The following STAU1 variants were observed in gnomAD, a reference collection of about 807,000 sequenced individuals.
STAU1 encodes staufen double-stranded RNA binding protein 1.
STAU1 carries 13 observed loss-of-function variants against 62.9 expected under a neutral mutation model. The ratio of observed to expected loss-of-function variants is 0.21; its 90% CI spans 0.13 to 0.33. The LOEUF is 0.33. Among genes scored for constraint, STAU1 ranks in the 10% least tolerant of loss-of-function variants. STAU1 has a pLI of 1.00. For missense variants in STAU1, 571 were observed against 712.1 expected (o/e 0.80, Z 2.25); for synonymous variants, 269 against 265.1 (o/e 1.01, Z -0.14).
chr20:49,125,197 G>GAAAAAAAAA (rs2092571503), intron 6 of STAU1, among the ~76,000 whole-genome samples: 2 of 11,096 alleles, frequency 1.8e-4, no homozygotes, highest in Non-Finnish European at 3.7e-4. Context: ...GCTCATTTTT[G>GAAAAAAAAA]CAAAAAAAAA....
Position 49,170,181 on chromosome 20 carries a change from G to A in STAU1, c.-84-3896C>T, listed in dbSNP as rs372734409. ...GACTAGACCATACTGAGCACAGTCC[G>A]AGTGATTTAATATACAAGAAGGCAG... On this transcript the variant is annotated intron_variant, in intron 2 of 13. Transcript: ENST00000371856. 1.1e-4 allele frequency among the ~76,000 whole-genome samples: 17 copies of A among 152,272 alleles called. No homozygotes were observed. The South Asian group carries it at 3.3e-3, about 30-fold the overall frequency.
At chr20:49,153,887 C>A in intron 4 of STAU1, 46 bp downstream of exon 4, 1 of 1,519,698 alleles carries the variant, frequency 6.6e-7, no homozygotes, top group Non-Finnish European at 8.7e-7. Flanking sequence ...AGATCAGACA[C>A]GTTTTCTCCT....
the STAU1 span, among the ~76,000 whole-genome samples, chr20:49,218,229 CT>C: frequency 6.8e-3 from 953 of 139,434 alleles, 13 homozygotes; most frequent in African/African-American, 0.022. Context: ...AAAGCCCAAT[CT>C]TTTTTTTTTT....
the STAU1 span, among the ~76,000 whole-genome samples, chr20:49,194,512 A>T: frequency 2.2e-4 from 34 of 151,874 alleles, no homozygotes; most frequent in African/African-American, 7.7e-4. Flanking sequence ...TAATCCCAGC[A>T]CTGTGGGAGG....
intron 2 of STAU1, among the ~76,000 whole-genome samples, chr20:49,173,438 C>T (rs1289273316): frequency 3.9e-5 from 6 of 152,084 alleles, no homozygotes; most frequent in Non-Finnish European, 7.4e-5. Context: ...GCAACAAGAG[C>T]GAAACTCCGT....
chr20:49,172,990 G>GCC (rs11480925), intron 2 of STAU1, among the ~76,000 whole-genome samples: 3 of 149,978 alleles, frequency 2.0e-5, no homozygotes, highest in Admixed American at 6.6e-5. Context: ...CCATTCTCCC[G>GCC]CCCCCCAACA....
chr20:49,118,976 A>G (rs2092400039), intron 9 of STAU1, among the ~76,000 whole-genome samples: 1 of 152,190 alleles, frequency 6.6e-6, no homozygotes, highest in Non-Finnish European at 1.5e-5. Flanking sequence ...CAAGTCTAAG[A>G]TCTATACTGG....
chr20:49,201,814 T>C, the STAU1 span, among the ~76,000 whole-genome samples: 138 of 150,830 alleles, frequency 9.1e-4, 1 homozygote, highest in African/African-American at 3.0e-3. Context: ...CAAAATTACA[T>C]GTCAGAAATT....
At chr20:49,158,231 G>A (rs548613408) in intron 3 of STAU1, among the ~76,000 whole-genome samples, 2 of 151,884 alleles carry the variant, frequency 1.3e-5, no homozygotes, top group African/African-American at 2.4e-5. Context: ...GCAGTGAGCC[G>A]AGAACACGCT....
the STAU1 span, among the ~76,000 whole-genome samples, chr20:49,198,411 T>C: frequency 1.1e-4 from 16 of 151,950 alleles, no homozygotes; most frequent in South Asian, 8.3e-4. Context: ...GGAGCCTGAG[T>C]CAGGAGAATG....
intron 3 of STAU1, among the ~76,000 whole-genome samples, chr20:49,162,788 AACAG>A (rs1382410235): frequency 1.3e-5 from 2 of 151,926 alleles, no homozygotes; most frequent in Non-Finnish European, 2.9e-5. Context: ...AAAAAAAAAA[AACAG>A]ATTTATAAAG....
chr20:49,178,415 G>T (rs2093685070), intron 1 of STAU1, among the ~76,000 whole-genome samples: 1 of 151,120 alleles, frequency 6.6e-6, no homozygotes, highest in African/African-American at 2.4e-5. Context: ...GGAGTTTGAG[G>T]CTAGGCTGGC....
At position 49,123,096 on chromosome 20, in the gene STAU1, A is replaced by G. The variant is rs777721838; in HGVS notation, c.962T>C (p.Met321Thr). The change falls in exon 8 of 14, where the codon ATG (methionine) becomes ACG (threonine). Residue 321 changes from methionine (M) to threonine (T), a missense_variant. Coordinates refer to ENST00000371856, the MANE Select transcript of STAU1 (RefSeq NM_017453.4). The part of the protein sequence containing the change: ...RGLPRRREFV[M>T]QVKVGNHTAE... Reference sequence around the variant, plus strand: ...CCATCATCCATGCGGACCCACCTGCATCACAAACTCCCTGCGGCGCGGGAG... The same window carrying G: ...CCATCATCCATGCGGACCCACCTGCGTCACAAACTCCCTGCGGCGCGGGAG... 1.9e-6 allele frequency: 3 copies of G among 1,599,018 alleles called. No individual in the cohort carries two copies. The highest frequency in any genetic ancestry group is 2.6e-6 in the Non-Finnish European group (3 of 1,172,392).
chr20:49,144,433 G>T (rs1175872760), intron 5 of STAU1, among the ~76,000 whole-genome samples: 1 of 152,088 alleles, frequency 6.6e-6, no homozygotes, highest in Non-Finnish European at 1.5e-5. Flanking sequence ...GCTGATTCTT[G>T]AGTTTGGGGA....
At chr20:49,175,474 CTTTG>C (rs2093647846) in intron 1 of STAU1, among the ~76,000 whole-genome samples, 1 of 151,954 alleles carries the variant, frequency 6.6e-6, no homozygotes, top group Non-Finnish European at 1.5e-5. Flanking sequence ...AATGTTTAGG[CTTTG>C]TTTGTTCAGG....
chr20:49,205,978 T>A, the STAU1 span, among the ~76,000 whole-genome samples: 4 of 140,290 alleles, frequency 2.9e-5, no homozygotes, highest in East Asian at 2.4e-4. Flanking sequence ...CCGGCTAATT[T>A]TCTTTTCTTT....
chr20:49,146,390 A>T (rs987221962), intron 5 of STAU1, among the ~76,000 whole-genome samples: 1 of 152,210 alleles, frequency 6.6e-6, no homozygotes, highest in Non-Finnish European at 1.5e-5. Context: ...CATTTTTACA[A>T]AAGTATAAAA....
At chr20:49,160,588 G>C (rs1265430927) in intron 3 of STAU1, among the ~76,000 whole-genome samples, 1 of 152,098 alleles carries the variant, frequency 6.6e-6, no homozygotes, top group Non-Finnish European at 1.5e-5. Context: ...AAGTTTCAAA[G>C]ACTGAATTAT....
At chr20:49,203,924 A>T in the STAU1 span, among the ~76,000 whole-genome samples, 2 of 152,094 alleles carry the variant, frequency 1.3e-5, no homozygotes, top group Admixed American at 1.3e-4. Flanking sequence ...TGACCTTGTG[A>T]TCCGCCGCCT....
Sources: allele counts gnomAD v4.1 joint callset (sites outside exome capture counted in the v4.1 genomes callset), GRCh38; gene constraint gnomAD v4.1.1; transcripts MANE v1.5; gene names NCBI Gene and HGNC (gene_info 2026-07-23, HGNC 2026-07-21).